SLC5A4: variants seen among roughly 807,000 people sequenced by gnomAD.
The protein encoded by SLC5A4 is probable glucose sensor protein SLC5A4.
A neutral mutation model predicts 70.3 loss-of-function variants in SLC5A4; 55 were observed. That is an observed-to-expected ratio of 0.78 (90% CI 0.63 to 0.98). The LOEUF (loss-of-function observed/expected upper bound fraction) is 0.98, where lower values mean the gene tolerates loss of function less well. Among genes scored for constraint, SLC5A4 ranks in the 50% least tolerant of loss-of-function variants. The pLI, the probability that SLC5A4 is intolerant of heterozygous loss-of-function variation, is 0.00. For missense variants in SLC5A4, 735 were observed against 839.2 expected (o/e 0.88, Z 1.53); for synonymous variants, 268 against 305.7 (o/e 0.88, Z 1.29).
At chr22:32,307,436 C>T in the SLC5A4 span, among the ~76,000 whole-genome samples, 2 of 152,258 alleles carry the variant, frequency 1.3e-5, no homozygotes, top group East Asian at 1.9e-4. Context: ...CACAAATAGC[C>T]ATTTCACAGG....
intron 5 of SLC5A4, among the ~76,000 whole-genome samples, chr22:32,243,781 G>GTTTT (rs1419785510): frequency 6.6e-6 from 1 of 152,292 alleles, no homozygotes; most frequent in Middle Eastern, 3.4e-3. Flanking sequence ...GAGGTCAGGA[G>GTTTT]TTTGAGCCCA....
the SLC5A4 span, among the ~76,000 whole-genome samples, chr22:32,311,005 T>C: frequency 6.6e-6 from 1 of 152,206 alleles, no homozygotes; most frequent in African/African-American, 2.4e-5. Context: ...CCACAGGGCC[T>C]TTGCACTAGC....
the SLC5A4 span, among the ~76,000 whole-genome samples, chr22:32,303,268 G>T: frequency 9.2e-5 from 14 of 152,172 alleles, no homozygotes; most frequent in African/African-American, 3.4e-4. Flanking sequence ...GGTATACATT[G>T]GTTCGGTCCA....
chr22:32,241,815 GTA>G (rs1926538269), intron 5 of SLC5A4, among the ~76,000 whole-genome samples: 1 of 144,064 alleles, frequency 6.9e-6, no homozygotes, highest in Non-Finnish European at 1.5e-5. Flanking sequence ...ATATATATCT[GTA>G]TGTGTGTGTG....
chr22:32,238,862 A>G, intron 6 of SLC5A4, 123 bp downstream of exon 6: 2 of 698,282 alleles, frequency 2.9e-6, no homozygotes, highest in Non-Finnish European at 5.2e-6. Flanking sequence ...TGACTCTCAT[A>G]GTGGAAATGA....
intron 10 of SLC5A4, 69 bp from the exon 11 acceptor site, chr22:32,229,413 G>A: frequency 1.3e-6 from 2 of 1,537,416 alleles, no homozygotes; most frequent in Non-Finnish European, 1.8e-6. Context: ...AGAGAGGGTT[G>A]AAAGGTTAAA....
the SLC5A4 span, among the ~76,000 whole-genome samples, chr22:32,341,278 A>T: frequency 3.3e-5 from 5 of 152,004 alleles, no homozygotes; most frequent in African/African-American, 1.2e-4. Context: ...AGTTAAAGGG[A>T]AGAGCCCTGG....
the SLC5A4 span, among the ~76,000 whole-genome samples, chr22:32,319,332 C>T: frequency 7.9e-5 from 12 of 151,496 alleles, no homozygotes; most frequent in Non-Finnish European, 1.8e-4. Flanking sequence ...CATCGACTCA[C>T]ACTGGAACTC....
the SLC5A4 span, chr22:32,277,273 C>G: frequency 6.6e-6 from 1 of 152,194 alleles, no homozygotes; most frequent in Non-Finnish European, 1.5e-5. Flanking sequence ...TGGACACTTT[C>G]AAACATGTAT....
At chr22:32,261,893 T>A in the SLC5A4 span, among the ~76,000 whole-genome samples, 1 of 152,256 alleles carries the variant, frequency 6.6e-6, no homozygotes, top group African/African-American at 2.4e-5. Context: ...GTTTTGATTT[T>A]TAGATCCCAC....
At chr22:32,339,637 T>G in the SLC5A4 span, among the ~76,000 whole-genome samples, 1 of 151,924 alleles carries the variant, frequency 6.6e-6, no homozygotes, top group Non-Finnish European at 1.5e-5. Flanking sequence ...GTGGAAGAGA[T>G]GAGTACACCT....
chr22:32,226,199 T>C (rs1390735360), intron 11 of SLC5A4, among the ~76,000 whole-genome samples: 2 of 152,264 alleles, frequency 1.3e-5, no homozygotes, highest in Non-Finnish European at 2.9e-5. Flanking sequence ...TTCCATTTTT[T>C]GTTCTTTTGC....
chr22:32,236,320 A>C (rs1461480570), intron 7 of SLC5A4, among the ~76,000 whole-genome samples: 2 of 152,256 alleles, frequency 1.3e-5, no homozygotes, highest in Non-Finnish European at 2.9e-5. Flanking sequence ...GCTTGACGGC[A>C]ATGAACTGAA....
chr22:32,234,080 C>A (rs1925920286), intron 8 of SLC5A4, among the ~76,000 whole-genome samples: 1 of 152,094 alleles, frequency 6.6e-6, no homozygotes, highest in Admixed American at 6.5e-5. Context: ...CATAGGGAAG[C>A]CAACAATAAA....
At chr22:32,311,482 T>C in the SLC5A4 span, among the ~76,000 whole-genome samples, 1 of 152,166 alleles carries the variant, frequency 6.6e-6, no homozygotes, top group Non-Finnish European at 1.5e-5. Flanking sequence ...ATGCCATCCA[T>C]CTCATAGGTG....
At chr22:32,310,411 G>A in the SLC5A4 span, among the ~76,000 whole-genome samples, 5 of 152,184 alleles carry the variant, frequency 3.3e-5, no homozygotes, top group South Asian at 2.1e-4. Context: ...CCCACCCCAA[G>A]GCTTCCTCTG....
chr22:32,317,337 CAAAAA>C, the SLC5A4 span, among the ~76,000 whole-genome samples: 11 of 151,616 alleles, frequency 7.3e-5, no homozygotes, highest in African/African-American at 1.9e-4. Context: ...TTGCCCAACT[CAAAAA>C]GAAAAGAAAG....
intron 6 of SLC5A4, among the ~76,000 whole-genome samples, chr22:32,238,172 TCATC>T (rs1926173548): frequency 1.3e-5 from 2 of 151,912 alleles, no homozygotes; most frequent in South Asian, 4.2e-4. Context: ...GGTGAAGCAA[TCATC>T]TTTGTTTCAA....
At chr22:32,272,395 C>T in the SLC5A4 span, 1 of 906,026 alleles carries the variant, frequency 1.1e-6, no homozygotes. Context: ...GGCCAGCGAG[C>T]TGACGGGCAT....
Sources: allele counts gnomAD v4.1 joint callset (sites outside exome capture counted in the v4.1 genomes callset), GRCh38; gene constraint gnomAD v4.1.1; transcripts MANE v1.5; gene names NCBI Gene and HGNC (gene_info 2026-07-23, HGNC 2026-07-21).